Variants in UNC5C observed in about 807,000 individuals in gnomAD.
The protein encoded by UNC5C is netrin receptor UNC5C.
Under a neutral mutation model 99.8 loss-of-function variants are expected in UNC5C, and 47 were observed. That is an observed-to-expected ratio of 0.47 (90% confidence interval 0.37 to 0.60). UNC5C has a LOEUF of 0.60. Ranked by LOEUF, UNC5C falls within the 20% of genes least tolerant of loss-of-function variation. The probability of loss-of-function intolerance (pLI) is 0.00; values close to 1 mark genes in which losing one functional copy is unlikely to be tolerated. For synonymous variants in UNC5C, 487 were observed against 452.2 expected, an observed-to-expected ratio of 1.08 and a Z score of -0.98; for missense variants, 1,062 against 1,165.9, an observed-to-expected ratio of 0.91 and a Z score of 1.30.
At chr4:95,253,676 G>A (rs1172003956) in intron 4 of UNC5C, among the ~76,000 whole-genome samples, 4 of 152,106 alleles carry the variant, frequency 2.6e-5, no homozygotes, top group Non-Finnish European at 2.9e-5. Flanking sequence ...AAATAGCTGC[G>A]GGAATGAAGA....
intron 1 of UNC5C, among the ~76,000 whole-genome samples, chr4:95,487,301 A>C (rs1721354534): frequency 6.6e-6 from 1 of 151,748 alleles, no homozygotes; most frequent in Non-Finnish European, 1.5e-5. Flanking sequence ...GGAGTGCATA[A>C]ATAGTTATCT....
intron 1 of UNC5C, among the ~76,000 whole-genome samples, chr4:95,537,475 A>G (rs1012393259): frequency 3.3e-5 from 5 of 152,200 alleles, no homozygotes; most frequent in African/African-American, 1.2e-4. Context: ...TTACTAAGCA[A>G]TCTCGTTTGT....
chr4:95,465,658 T>G (rs1747750214), intron 1 of UNC5C, among the ~76,000 whole-genome samples: 2 of 152,004 alleles, frequency 1.3e-5, no homozygotes, highest in Admixed American at 6.5e-5. Context: ...TAGAGAATAT[T>G]CAGTAGCTTA....
chr4:95,525,596 T>TAAAAAAAA (rs574532435), intron 1 of UNC5C, among the ~76,000 whole-genome samples: 1,895 of 101,966 alleles, frequency 0.019, 110 homozygotes, highest in East Asian at 0.027. Flanking sequence ...GCCTATTTCT[T>TAAAAAAAA]AAAAAAAAAA....
At chr4:95,451,276 C>G (rs1409798317) in intron 1 of UNC5C, among the ~76,000 whole-genome samples, 1 of 152,164 alleles carries the variant, frequency 6.6e-6, no homozygotes, top group African/African-American at 2.4e-5. Context: ...AGGTTTGAAG[C>G]CCACCACAGC....
intron 1 of UNC5C, among the ~76,000 whole-genome samples, chr4:95,473,751 G>T (rs1013699159): frequency 6.6e-6 from 1 of 152,078 alleles, no homozygotes; most frequent in East Asian, 1.9e-4. Context: ...ACTCCTCTGT[G>T]CCATGTTCCA....
intron 1 of UNC5C, among the ~76,000 whole-genome samples, chr4:95,362,777 T>G (rs1415199491): frequency 6.6e-6 from 1 of 152,094 alleles, no homozygotes; most frequent in Non-Finnish European, 1.5e-5. Context: ...TTTATTTCAT[T>G]CATTGAATAA....
rs1350373456 is a variant in UNC5C, at chr4:95,168,186, G to A, written c.*1048C>T. On this transcript the variant is annotated 3_prime_UTR_variant, in exon 16 of 16. Coordinates refer to ENST00000453304, the MANE Select transcript of UNC5C (RefSeq NM_003728.4). ...CAGAGGAGAAAGAAAGACCCTGCCT[G>A]AGCAAGCTGAAGGAACAGACTGACA... 2 of 152,190 alleles carry A rather than the reference G, an allele frequency of 1.3e-5. No individual in the cohort carries two copies. Among genetic ancestry groups the A allele is most frequent in the South Asian group, 2.1e-4 (1 of 4,834 alleles). The allele number at this position is 152,190 out of a possible 1,614,324, so 9.4% of individuals were successfully genotyped here.
intron 1 of UNC5C, among the ~76,000 whole-genome samples, chr4:95,532,601 A>C (rs1229765117): frequency 6.6e-6 from 1 of 152,148 alleles, no homozygotes; most frequent in Non-Finnish European, 1.5e-5. Context: ...CTCCTGTGAG[A>C]TGGGAAAGGT....
chr4:95,245,253 A>C, intron 5 of UNC5C, 109 bp from the exon 6 acceptor site: 1 of 1,292,452 alleles, frequency 7.7e-7, no homozygotes, highest in East Asian at 2.8e-5. Context: ...TTTCCAAGCG[A>C]CCATTATAAA....
At chr4:95,534,476 G>C (rs1183811923) in intron 1 of UNC5C, among the ~76,000 whole-genome samples, 1 of 152,096 alleles carries the variant, frequency 6.6e-6, no homozygotes, top group Non-Finnish European at 1.5e-5. Context: ...AAATAAGAAT[G>C]AGTATTCTTT....
chr4:95,539,524 T>C (rs1406332732), intron 1 of UNC5C, among the ~76,000 whole-genome samples: 1 of 152,240 alleles, frequency 6.6e-6, no homozygotes, highest in Non-Finnish European at 1.5e-5. Flanking sequence ...ACTATCTTTA[T>C]GAATTTGTTT....
chr4:95,523,009 C>T lies in UNC5C; in HGVS notation c.124+25725G>A, dbSNP rs529702353. 4.6e-5 allele frequency among the ~76,000 whole-genome samples: 7 copies of T among 152,178 alleles called. No homozygotes were observed. In the South Asian group the frequency reaches 1.5e-3, roughly 32 times the overall value. ...TGATGGGTACCTTGTCTTATCTTTG[C>T]CTGGATTCCCTAAAAGAAGAGCTCC... is the stretch of plus-strand genomic sequence containing the variant. On this transcript the variant is annotated intron_variant, in intron 1 of 15. Transcript: ENST00000453304.
At chr4:95,482,928 G>T (rs1416045046) in intron 1 of UNC5C, among the ~76,000 whole-genome samples, 2 of 136,444 alleles carry the variant, frequency 1.5e-5, no homozygotes, top group African/African-American at 2.8e-5. Flanking sequence ...GTTAATGGGT[G>T]CAGCACACCA....
At chr4:95,408,053 A>G (rs1745877168) in intron 1 of UNC5C, among the ~76,000 whole-genome samples, 1 of 152,234 alleles carries the variant, frequency 6.6e-6, no homozygotes, top group Non-Finnish European at 1.5e-5. Context: ...TGGTAAAAAT[A>G]TATTACACAT....
intron 1 of UNC5C, among the ~76,000 whole-genome samples, chr4:95,478,523 TTGA>T (rs1721031180): frequency 6.6e-6 from 1 of 152,038 alleles, no homozygotes; most frequent in African/African-American, 2.4e-5. Flanking sequence ...TAGTATGATG[TTGA>T]TGCCCCTTTC....
intron 1 of UNC5C, among the ~76,000 whole-genome samples, chr4:95,461,923 T>C (rs892063635): frequency 6.6e-6 from 1 of 152,238 alleles, no homozygotes; most frequent in African/African-American, 2.4e-5. Flanking sequence ...ATTTGCCTGT[T>C]TTGATTTTCT....
chr4:95,166,277 A>C lies in UNC5C; in HGVS notation c.*2957T>G, dbSNP rs977019537. On this transcript the variant is annotated 3_prime_UTR_variant, in exon 16 of 16. Transcript: ENST00000453304. ...GTTATATCTGGACCTTCTAAGTTTG[A>C]AAGCAATCTAACAGCTATTACTTTA... 1 of 152,238 alleles carries C rather than the reference A, an allele frequency of 6.6e-6. No homozygotes were observed. Among genetic ancestry groups the C allele is most frequent in the African/African-American group, 2.4e-5 (1 of 41,458 alleles). The allele number at this position is 152,238 out of a possible 1,614,324, so 9.4% of individuals were successfully genotyped here.
intron 5 of UNC5C, 47 bp from the exon 6 acceptor site, chr4:95,245,191 C>T: frequency 6.5e-7 from 1 of 1,548,690 alleles, no homozygotes. Context: ...TGTGTGCATG[C>T]ACAACACACA....
Sources: allele counts gnomAD v4.1 joint callset (sites outside exome capture counted in the v4.1 genomes callset), GRCh38; gene constraint gnomAD v4.1.1; transcripts MANE v1.5; gene names NCBI Gene and HGNC (gene_info 2026-07-23, HGNC 2026-07-21).